TENM3: variants seen among roughly 807,000 people sequenced by gnomAD.
TENM3 encodes the protein teneurin transmembrane protein 3.
TENM3 carries 63 observed loss-of-function variants against 255.1 expected under a neutral mutation model. That is an observed-to-expected ratio of 0.25 (90% confidence interval 0.20 to 0.30). The LOEUF (loss-of-function observed/expected upper bound fraction) is 0.30. Ranked by LOEUF, TENM3 falls within the 10% of genes least tolerant of loss-of-function variation. The pLI is 1.00. For synonymous variants in TENM3, 1,306 were observed against 1,322.3 expected (o/e 0.99, Z 0.27); for missense variants, 2,929 against 3,461.1 (o/e 0.85, Z 3.86).
chr4:181,834,229 T>C, the TENM3 span, among the ~76,000 whole-genome samples: 1 of 152,174 alleles, frequency 6.6e-6, no homozygotes, highest in Non-Finnish European at 1.5e-5. Context: ...GAATGAAACC[T>C]TTTATTCTCC....
At chr4:182,510,531 T>C (rs114413432) in intron 3 of TENM3, among the ~76,000 whole-genome samples, 6,731 of 152,312 alleles carry the variant, frequency 0.044, 161 homozygotes, top group Middle Eastern at 0.061. Context: ...TGATTGGCAA[T>C]TCTATGCTGT....
At chr4:182,033,753 C>T in the TENM3 span, among the ~76,000 whole-genome samples, 2 of 152,120 alleles carry the variant, frequency 1.3e-5, no homozygotes, top group Non-Finnish European at 1.5e-5. Flanking sequence ...GGATAATTAG[C>T]TCTTCTTGTT....
intron 7 of TENM3, 36 bp downstream of exon 7, chr4:182,673,255 T>A (rs762326050): frequency 1.4e-6 from 2 of 1,419,790 alleles, no homozygotes; most frequent in East Asian, 4.6e-5. Flanking sequence ...AAATAAAAAC[T>A]GCCAGTTGCA....
At chr4:181,562,070 T>A in the TENM3 span, among the ~76,000 whole-genome samples, 2 of 152,226 alleles carry the variant, frequency 1.3e-5, no homozygotes, top group Non-Finnish European at 2.9e-5. Context: ...TTTTACGGAT[T>A]AAGAGTACTT....
chr4:182,458,963 T>C (rs1236007385), intron 3 of TENM3, among the ~76,000 whole-genome samples: 3 of 152,250 alleles, frequency 2.0e-5, no homozygotes, highest in Non-Finnish European at 2.9e-5. Context: ...GAATAGATTG[T>C]TACTTTTCCA....
At chr4:181,511,974 T>G in the TENM3 span, among the ~76,000 whole-genome samples, 1 of 151,986 alleles carries the variant, frequency 6.6e-6, no homozygotes, top group African/African-American at 2.4e-5. Context: ...CACTCCCAGC[T>G]CAAAAACCCT....
the TENM3 span, among the ~76,000 whole-genome samples, chr4:181,476,046 G>T: frequency 1.3e-5 from 2 of 152,168 alleles, no homozygotes; most frequent in African/African-American, 4.8e-5. Flanking sequence ...AAACACCAAG[G>T]TTGAGAACTG....
chr4:181,939,163 C>A, the TENM3 span, among the ~76,000 whole-genome samples: 1 of 152,106 alleles, frequency 6.6e-6, no homozygotes, highest in Admixed American at 6.5e-5. Context: ...TGTTTCTACC[C>A]ATGAAAGAAA....
At chr4:181,605,169 G>A in the TENM3 span, among the ~76,000 whole-genome samples, 74 of 151,914 alleles carry the variant, frequency 4.9e-4, no homozygotes, top group African/African-American at 1.7e-3. Context: ...CAAACCAGCC[G>A]GCGTGGTGGC....
At chr4:182,774,826 C>G in intron 23 of TENM3, 92 bp from the exon 24 acceptor site, 1 of 882,448 alleles carries the variant, frequency 1.1e-6, no homozygotes, top group Non-Finnish European at 1.8e-6. Flanking sequence ...TCCTAGTCAA[C>G]TTTTAGAAAT....
chr4:182,484,508 G>A (rs995678763), intron 3 of TENM3, among the ~76,000 whole-genome samples: 2 of 152,092 alleles, frequency 1.3e-5, no homozygotes, highest in Non-Finnish European at 1.5e-5. Context: ...TGGGGAAAAC[G>A]AGAAAGTTTT....
At chr4:182,536,029 G>A (rs1275828513) in intron 3 of TENM3, among the ~76,000 whole-genome samples, 7 of 151,894 alleles carry the variant, frequency 4.6e-5, no homozygotes, top group Non-Finnish European at 5.9e-5. Context: ...GAAGAATTCC[G>A]TCCAATATGT....
At chr4:182,370,205 G>A (rs892524939) in intron 3 of TENM3, among the ~76,000 whole-genome samples, 4 of 152,198 alleles carry the variant, frequency 2.6e-5, no homozygotes, top group Non-Finnish European at 4.4e-5. Context: ...AAAAATCCAG[G>A]AAACCACCTG....
the TENM3 span, among the ~76,000 whole-genome samples, chr4:181,553,509 T>A: frequency 6.6e-6 from 1 of 151,952 alleles, no homozygotes; most frequent in Non-Finnish European, 1.5e-5. Context: ...GGGCGCGATC[T>A]CGGCTCACTG....
Position 182,664,886 on chromosome 4 carries a change from G to T in TENM3, c.1112-8119G>T, listed in dbSNP as rs141083809. On this transcript the variant is annotated intron_variant, in intron 6 of 27. Transcript: ENST00000511685. ...TAAAAGTTTGAAGTTAGCAAAGGTT[G>T]GTTCATGAGGTTTGAGGAACGAACC... is the stretch of plus-strand genomic sequence containing the variant. Among the ~76,000 whole-genome samples the T allele has an allele frequency of 8.5e-5, 13 of 152,300 alleles. No individual in the cohort carries two copies. In the East Asian group the frequency reaches 2.5e-3, roughly 29 times the overall value.
At chr4:182,093,342 G>C in the TENM3 span, among the ~76,000 whole-genome samples, 1 of 152,010 alleles carries the variant, frequency 6.6e-6, no homozygotes, top group Non-Finnish European at 1.5e-5. Flanking sequence ...GAGCAGTACA[G>C]TTTTTCAGTC....
intron 3 of TENM3, among the ~76,000 whole-genome samples, chr4:182,445,956 C>A (rs905320723): frequency 6.6e-6 from 1 of 152,106 alleles, no homozygotes; most frequent in Non-Finnish European, 1.5e-5. Flanking sequence ...AGAAGTTGAA[C>A]GTGGGCCTCA....
rs201945882 is a variant in TENM3, at chr4:182,736,974, T to A, written c.3134T>A (p.Phe1045Tyr). The stretch of plus-strand genomic sequence containing the variant: ...ATGGTAGCTGTAGTAGGAAGACTCT[T>A]CCAAAAGTGGTTTCCTGCCTCACCA... ...HLMVAVVGRL[F>Y]QKWFPASPNL... The change falls in exon 17 of 28, where the codon TTC becomes TAC. Residue 1045 changes from phenylalanine to tyrosine, a missense_variant. Phe to Tyr is a conservative substitution (Grantham distance 22). This residue lies in a region of TENM3 where 1,608 missense variants were observed against 1,884.4 expected (regional missense o/e 0.85). Transcript: ENST00000511685. The A allele has an allele frequency of 1.2e-6, 2 of 1,613,890 alleles. No homozygotes were observed. The highest frequency in any genetic ancestry group is 2.7e-5 in the African/African-American group (2 of 75,046).
intron 1 of TENM3, among the ~76,000 whole-genome samples, chr4:182,260,518 A>G (rs898433307): frequency 6.6e-6 from 1 of 152,244 alleles, no homozygotes; most frequent in East Asian, 1.9e-4. Flanking sequence ...TACCTACTAA[A>G]TAATACTTAG....
Sources: allele counts gnomAD v4.1 joint callset (sites outside exome capture counted in the v4.1 genomes callset), GRCh38; gene constraint gnomAD v4.1.1; regional missense constraint gnomAD v4.1.1; transcripts MANE v1.5; gene names NCBI Gene and HGNC (gene_info 2026-07-23, HGNC 2026-07-21).